The following NTM variants were observed in gnomAD, a reference collection of about 807,000 sequenced individuals.
NTM encodes the protein neurotrimin.
Under a neutral mutation model 42.1 loss-of-function variants are expected in NTM, and 13 were observed. The ratio of observed to expected loss-of-function variants is 0.31; its 90% confidence interval spans 0.20 to 0.49. The LOEUF is 0.49. NTM is among the 20% of genes least tolerant of loss of function. The pLI, the probability that NTM is intolerant of heterozygous loss-of-function variation, is 0.99. For synonymous variants in NTM, 187 were observed against 179.2 expected (o/e 1.04, Z -0.35); for missense variants, 373 against 452.8 (o/e 0.82, Z 1.60).
chr11:131,463,611 AAAAT>A (rs751574416), intron 1 of NTM, among the ~76,000 whole-genome samples: 16 of 152,270 alleles, frequency 1.1e-4, no homozygotes, highest in Non-Finnish European at 1.5e-4. Flanking sequence ...ACATTTATCA[AAAAT>A]AAATCTATTG....
Position 131,853,450 on chromosome 11 carries a change from G to C in NTM, c.83-58114G>C, listed in dbSNP as rs115439535. 6.3e-3 allele frequency among the ~76,000 whole-genome samples: 965 copies of C among 152,196 alleles called. 13 individuals carry two copies. The highest frequency in any genetic ancestry group is 0.022 in the African/African-American group (898 of 41,516). On this transcript the variant is annotated intron_variant, in intron 1 of 8. Coordinates refer to ENST00000683400, the MANE Select transcript of NTM (RefSeq NM_001352005.2). ...TGTTGTTTCCCCCTGTGTGTCTTAT[G>C]TTGTCATAATCTAGCTCCCACTTAT...
intron 1 of NTM, chr11:131,796,139 G>A (rs1442205697): frequency 4.1e-6 from 4 of 985,284 alleles, no homozygotes; most frequent in Non-Finnish European, 4.8e-6. Flanking sequence ...TGAAGGACTG[G>A]AAGGGCAAAA....
At chr11:132,223,924 G>A (rs114216083) in intron 4 of NTM, among the ~76,000 whole-genome samples, 44 of 152,286 alleles carry the variant, frequency 2.9e-4, no homozygotes, top group African/African-American at 8.4e-4. Context: ...CACAAGGAGC[G>A]TTGCAGTCAC....
chr11:131,624,263 C>T (rs2062876296), intron 1 of NTM, among the ~76,000 whole-genome samples: 2 of 152,170 alleles, frequency 1.3e-5, no homozygotes, highest in African/African-American at 4.8e-5. Flanking sequence ...GCACATCATT[C>T]AGTGGCAACA....
At chr11:132,053,321 G>A (rs900886655) in intron 2 of NTM, among the ~76,000 whole-genome samples, 2 of 152,094 alleles carry the variant, frequency 1.3e-5, no homozygotes, top group Non-Finnish European at 2.9e-5. Context: ...TCATTCTTTC[G>A]GTGACAGAAT....
chr11:131,915,946 C>A (rs1198827710), intron 2 of NTM, among the ~76,000 whole-genome samples: 3 of 152,314 alleles, frequency 2.0e-5, no homozygotes, highest in East Asian at 1.9e-4. Context: ...GGGGACACAG[C>A]CAGACCATAT....
At chr11:132,322,928 T>A (rs1298720130) in intron 7 of NTM, among the ~76,000 whole-genome samples, 2 of 143,556 alleles carry the variant, frequency 1.4e-5, no homozygotes, top group Non-Finnish European at 3.1e-5. Context: ...CCTGAATGAC[T>A]ACTGGGTACA....
intron 1 of NTM, among the ~76,000 whole-genome samples, chr11:131,553,904 C>T (rs114720321): frequency 0.01 from 1,569 of 152,268 alleles, 30 homozygotes; most frequent in African/African-American, 0.036. Flanking sequence ...TCTCATTTCC[C>T]GTAAACGTGA....
intron 2 of NTM, among the ~76,000 whole-genome samples, chr11:132,007,851 A>G (rs1320638419): frequency 1.3e-5 from 2 of 152,100 alleles, no homozygotes; most frequent in African/African-American, 4.8e-5. Context: ...TGAGGGGCCA[A>G]CTGAGGATGA....
chr11:132,004,605 TTCTC>T (rs71480226), intron 2 of NTM, among the ~76,000 whole-genome samples: 24,477 of 143,798 alleles, frequency 0.17, 2,277 homozygotes, highest in Non-Finnish European at 0.23. Flanking sequence ...CTTTCTCTCT[TTCTC>T]TCTCTCTCTC....
chr11:131,800,508 A>G (rs1309459070), intron 1 of NTM, among the ~76,000 whole-genome samples: 1 of 152,256 alleles, frequency 6.6e-6, no homozygotes, highest in East Asian at 1.9e-4. Flanking sequence ...GGCTAAAGAA[A>G]TTGCATGAAT....
intron 1 of NTM, among the ~76,000 whole-genome samples, chr11:131,656,766 G>A (rs1398923905): frequency 6.6e-6 from 1 of 152,144 alleles, no homozygotes; most frequent in African/African-American, 2.4e-5. Context: ...AGGCCCAGAA[G>A]TCTTCAGAGA....
intron 3 of NTM, among the ~76,000 whole-genome samples, chr11:132,210,400 A>C (rs994100926): frequency 1.3e-5 from 2 of 152,210 alleles, no homozygotes; most frequent in African/African-American, 4.8e-5. Context: ...TCCCTTGAAT[A>C]ACCATTATCA....
intron 2 of NTM, among the ~76,000 whole-genome samples, chr11:132,076,787 G>A (rs1547898): frequency 0.25 from 38,051 of 152,000 alleles, 5,073 homozygotes; most frequent in African/African-American, 0.32. Flanking sequence ...CTACATTGAA[G>A]ATCAGATAAG....
At chr11:132,290,405 A>G (rs186438231) in intron 4 of NTM, among the ~76,000 whole-genome samples, 5 of 152,254 alleles carry the variant, frequency 3.3e-5, no homozygotes, top group African/African-American at 9.6e-5. Context: ...AGAGTCAGCT[A>G]TGTTTGTCAT....
intron 1 of NTM, among the ~76,000 whole-genome samples, chr11:131,573,003 G>A (rs1242927414): frequency 6.6e-6 from 1 of 152,222 alleles, no homozygotes; most frequent in Non-Finnish European, 1.5e-5. Flanking sequence ...TGGAGAGGAG[G>A]CTCAGGACCA....
chr11:131,495,761 T>C (rs1261474497), intron 1 of NTM, among the ~76,000 whole-genome samples: 1 of 152,168 alleles, frequency 6.6e-6, no homozygotes, highest in Non-Finnish European at 1.5e-5. Flanking sequence ...GGGCCCTCCT[T>C]GAGGCTCAGC....
At chr11:131,732,021 T>C (rs540833182) in intron 1 of NTM, among the ~76,000 whole-genome samples, 5 of 152,280 alleles carry the variant, frequency 3.3e-5, no homozygotes, top group Non-Finnish European at 5.9e-5. Flanking sequence ...TCTGGCACTT[T>C]TTAACTGGGT....
intron 1 of NTM, among the ~76,000 whole-genome samples, chr11:131,409,083 T>C (rs888708535): frequency 6.6e-6 from 1 of 152,208 alleles, no homozygotes; most frequent in Non-Finnish European, 1.5e-5. Flanking sequence ...AGGGCCTACA[T>C]AGGAGGAACA....
Sources: allele counts gnomAD v4.1 joint callset (sites outside exome capture counted in the v4.1 genomes callset), GRCh38; gene constraint gnomAD v4.1.1; transcripts MANE v1.5; gene names NCBI Gene and HGNC (gene_info 2026-07-23, HGNC 2026-07-21).